The following LARP6 variants were observed in gnomAD, a reference collection of about 807,000 sequenced individuals.
LARP6 encodes La ribonucleoprotein 6, translational regulator.
A neutral mutation model predicts 32.8 loss-of-function variants in LARP6; 18 were observed. The observed-to-expected ratio is 0.55, with a 90% CI of 0.38 to 0.81. The LOEUF (loss-of-function observed/expected upper bound fraction) is 0.81. Among genes scored for constraint, LARP6 ranks in the 40% least tolerant of loss-of-function variants. LARP6 has a pLI of 0.00. For missense variants in LARP6, 598 were observed against 663.1 expected (o/e 0.90, Z 1.08); for synonymous variants, 289 against 267.2 (o/e 1.08, Z -0.80).
At chr15:70,851,799 A>C (rs1332595085) in intron 1 of LARP6, 15 of 1,593,932 alleles carry the variant, frequency 9.4e-6, no homozygotes, top group Non-Finnish European at 1.3e-5. Context: ...ACAGCAACAG[A>C]GAAGAAAGGA....
rs758901929 is a variant in LARP6 at position 70,847,517 on chromosome 15, G to A, written c.200+6372C>T. Among the ~76,000 whole-genome samples, 16 of 151,918 alleles carry A rather than the reference G, an allele frequency of 1.1e-4. 1 individual carries two copies. The highest frequency in any genetic ancestry group is 3.2e-3 in the Middle Eastern group (1 of 316). ...CCTGAGTAGCTGGGACTACAGGTGC[G>A]CACCACCATGCCTGGCTAATTTTTG... On this transcript the variant is annotated intron_variant, in intron 1 of 2. Coordinates refer to ENST00000299213, the MANE Select transcript of LARP6 (RefSeq NM_018357.4).
In LARP6 at chr15:70,836,325, C is replaced by T; in HGVS notation, c.381G>A (p.Val127=). 1 of 1,614,176 alleles carries T rather than the reference C, an allele frequency of 6.2e-7. No individual in the cohort carries two copies. The highest frequency in any genetic ancestry group is 8.5e-7 in the Non-Finnish European group (1 of 1,180,014). ...TGAAGGATGTGAGTAGCTTAACGCTCACATATCCCAGCTTGTTCCTCCTCA... is the reference window on the plus strand; with the variant it reads ...TGAAGGATGTGAGTAGCTTAACGCTTACATATCCCAGCTTGTTCCTCCTCA... ...KHVRRNKLGY[V]SVKLLTSFKK... is the part of the protein sequence containing the mutation. The change falls in exon 2 of 3, where the codon GTG becomes GTA. Residue 127 remains valine (V), a synonymous_variant. Coordinates refer to ENST00000299213, the MANE Select transcript of LARP6 (RefSeq NM_018357.4).
At chr15:70,846,652 A>AC (rs1555423153) in intron 1 of LARP6, among the ~76,000 whole-genome samples, 35 of 150,710 alleles carry the variant, frequency 2.3e-4, no homozygotes, top group South Asian at 6.4e-4. Context: ...ATACATACAT[A>AC]ATAAAAAAAA....
At position 70,832,781 on chromosome 15, in the gene LARP6, G is replaced by T. The variant is rs1396082512; in HGVS notation, c.747C>A (p.Arg249=). ...ACTCCTGGGTCCCCACTTGGCTGTAGCGGCTGCTGATCCTCCGGATGTCAG... is the reference window on the plus strand; with the variant it reads ...ACTCCTGGGTCCCCACTTGGCTGTATCGGCTGCTGATCCTCCGGATGTCAG... ...LPPDIRRISS[R]YSQVGTQECA... The change falls in exon 3 of 3, where the codon CGC becomes CGA. Residue 249 remains arginine (R), a synonymous_variant. Coordinates refer to ENST00000299213, the MANE Select transcript of LARP6 (RefSeq NM_018357.4). 7.5e-6 allele frequency: 12 copies of T among 1,608,362 alleles called. No homozygotes were observed. The highest frequency in any genetic ancestry group is 2.2e-5 in the East Asian group (1 of 44,870).
At chr15:70,848,630 G>A (rs1277680172) in intron 1 of LARP6, among the ~76,000 whole-genome samples, 2 of 152,056 alleles carry the variant, frequency 1.3e-5, no homozygotes, top group East Asian at 3.9e-4. Flanking sequence ...TACTCGGGAG[G>A]CTGAGGCATA....
chr15:70,831,401 A>G lies in LARP6; in HGVS notation c.*651T>C, dbSNP rs528685205. 6.6e-6 allele frequency: 1 copy of G among 152,340 alleles called. No individual in the cohort carries two copies. Among genetic ancestry groups the G allele is most frequent in the East Asian group, 1.9e-4 (1 of 5,184 alleles). The allele number at this position is 152,340 out of a possible 1,614,324, so 9.4% of individuals were successfully genotyped here. ...TCATGTAGCCCATAAATGTGTACAA[A>G]TAAAAAAATTTTTAAATGTTCTCTT... On this transcript the variant is annotated 3_prime_UTR_variant, in exon 3 of 3. Transcript: ENST00000299213.
intron 1 of LARP6, among the ~76,000 whole-genome samples, 178 bp downstream of exon 1, chr15:70,853,711 C>T (rs978956920): frequency 4.6e-5 from 7 of 152,140 alleles, no homozygotes; most frequent in African/African-American, 1.2e-4. Context: ...GCTGGGGCAC[C>T]GGCTGCCTCC....
intron 1 of LARP6, among the ~76,000 whole-genome samples, chr15:70,847,191 C>T (rs2032363472): frequency 6.6e-6 from 1 of 152,116 alleles, no homozygotes; most frequent in Admixed American, 6.5e-5. Context: ...TCTTAGTGGC[C>T]TTTCAAGGAG....
chr15:70,848,741 A>G (rs2032392653), intron 1 of LARP6: 1 of 152,158 alleles, frequency 6.6e-6, no homozygotes, highest in African/African-American at 2.4e-5. Context: ...CAAAAAAAAA[A>G]AGTAGAGGCT....
chr15:70,834,489 C>T (rs955422305), intron 2 of LARP6, among the ~76,000 whole-genome samples: 2 of 152,160 alleles, frequency 1.3e-5, no homozygotes, highest in Admixed American at 6.5e-5. Context: ...AAGCCTTCTC[C>T]GAAAACAGCT....
Position 70,832,183 on chromosome 15 carries a change from C to A in LARP6, c.1345G>T (p.Gly449Cys), listed in dbSNP as rs146941351. ...TTCCGGGAGAGCAGGGGACTCGTAC[C>A]GGGGCTTTTCTCCTGGGTCCCCATC... ...AEMGTQEKSP[G>C]TSPLLSRKMQ... Residue 449 changes from glycine (G) to cysteine (C), a missense_variant, in exon 3 of 3, where the codon GGT becomes TGT. Around this residue, in one of 3 missense-constraint regions of LARP6, gnomAD observed 368 missense variants for 397.9 expected, o/e 0.92. Coordinates refer to ENST00000299213, the MANE Select transcript of LARP6 (RefSeq NM_018357.4). 2 of 1,613,804 alleles carry A rather than the reference C, an allele frequency of 1.2e-6. No homozygotes were observed. Among genetic ancestry groups the A allele is most frequent in the Admixed American group, 1.7e-5 (1 of 59,984 alleles).
At chr15:70,834,930 AGTCT>A (rs2032120110) in intron 2 of LARP6, among the ~76,000 whole-genome samples, 1 of 152,198 alleles carries the variant, frequency 6.6e-6, no homozygotes, top group Non-Finnish European at 1.5e-5. Flanking sequence ...GGTGTTAGGG[AGTCT>A]GTCTGTACTC....
In LARP6 at chr15:70,832,223, C is replaced by T. The variant is rs932390255; in HGVS notation, c.1305G>A (p.Arg435=). Residue 435 remains arginine (R), a synonymous_variant, in exon 3 of 3, where the codon AGG becomes AGA. Coordinates refer to ENST00000299213, the MANE Select transcript of LARP6 (RefSeq NM_018357.4). ...VTPSGSPWVR[R]RRQAEMGTQE... The stretch of plus-strand genomic sequence containing the variant: ...GGGTCCCCATCTCGGCTTGGCGACG[C>T]CTCCGGACCCAGGGGCTGCCAGAGG... The T allele has an allele frequency of 1.9e-6, 3 of 1,613,764 alleles. No individual in the cohort carries two copies. The highest frequency in any genetic ancestry group is 2.5e-6 in the Non-Finnish European group (3 of 1,179,910).
chr15:70,839,394 C>T (rs769635671), intron 1 of LARP6, among the ~76,000 whole-genome samples: 1 of 149,412 alleles, frequency 6.7e-6, no homozygotes, highest in Admixed American at 6.7e-5. Flanking sequence ...GAGCGGAGAT[C>T]GCACCACTGC....
chr15:70,844,748 G>C (rs2032317508), intron 1 of LARP6, among the ~76,000 whole-genome samples: 1 of 152,018 alleles, frequency 6.6e-6, no homozygotes, highest in South Asian at 2.1e-4. Context: ...TTAAATTTTA[G>C]TAGTTATTTA....
Position 70,832,683 on chromosome 15 carries a change from C to A in LARP6, c.845G>T (p.Gly282Val). 6.2e-7 allele frequency: 1 copy of A among 1,606,620 alleles called. No homozygotes were observed. Among genetic ancestry groups the A allele is most frequent in the South Asian group, 1.1e-5 (1 of 89,752 alleles). Reference protein sequence around the residue: ...AHEFMITESQGKENMKAVLIG... With the variant: ...AHEFMITESQVKENMKAVLIG... ...CAGGACAGCTTTCATGTTCTCTTTGCCCTGAGATTCTGTGATCATGAACTC... is the reference window on the plus strand; with the variant it reads ...CAGGACAGCTTTCATGTTCTCTTTGACCTGAGATTCTGTGATCATGAACTC... Residue 282 changes from glycine to valine, a missense_variant, in exon 3 of 3, where the codon GGC becomes GTC. By Grantham distance (109) the Gly-to-Val change is moderately radical. Around this residue, in one of 3 missense-constraint regions of LARP6, gnomAD observed 368 missense variants for 397.9 expected, o/e 0.92. Transcript: ENST00000299213.
At chr15:70,853,072 T>C (rs2032519421) in intron 1 of LARP6, among the ~76,000 whole-genome samples, 2 of 152,198 alleles carry the variant, frequency 1.3e-5, no homozygotes, top group South Asian at 4.2e-4. Flanking sequence ...TTATCTCCTT[T>C]CAACAGCAGG....
In LARP6 at chr15:70,832,600, GCTC is replaced by G. The variant is rs756533356; in HGVS notation, c.925_927del (p.Glu309del). The G allele has an allele frequency of 3.1e-6, 5 of 1,601,594 alleles. No homozygotes were observed. The highest frequency in any genetic ancestry group is 1.7e-6 in the Non-Finnish European group (2 of 1,175,208). On this transcript the variant is annotated inframe_deletion, in exon 3 of 3. Transcript: ENST00000299213. Reference sequence around the variant, plus strand: ...TTGTTCAGGTGGATGCTCGCAGTGGGCTCCTCGTCATGATTTTTGTCTTTGGCA... The same window carrying G: ...TTGTTCAGGTGGATGCTCGCAGTGGGCTCGTCATGATTTTTGTCTTTGGCA...
In LARP6 at chr15:70,831,207, A is replaced by G. The variant is rs1315328750; in HGVS notation, c.*845T>C. The stretch of plus-strand genomic sequence containing the variant: ...CAATGCTGTGGGTCCTGGACTGTAC[A>G]CCCTCAGTATACGCCAAGCTGCCTT... On this transcript the variant is annotated 3_prime_UTR_variant, in exon 3 of 3. Transcript: ENST00000299213. 1.3e-5 allele frequency: 2 copies of G among 152,194 alleles called. No individual in the cohort carries two copies. Among genetic ancestry groups the G allele is most frequent in the African/African-American group, 4.8e-5 (2 of 41,430 alleles). 9.4% of individuals were successfully genotyped at this position (152,194 alleles called of 1,614,324 possible).
Sources: gnomAD v4.1 joint callset for allele counts (sites outside exome capture counted in the v4.1 genomes callset) on GRCh38, gnomAD v4.1.1 for gene constraint, gnomAD v4.1.1 regional missense constraint, MANE v1.5 for transcripts, NCBI Gene and HGNC (gene_info 2026-07-23, HGNC 2026-07-21) for gene names.